Variants in GDA observed in about 807,000 individuals in gnomAD.
GDA encodes the protein guanine deaminase, also known as cytoplasmic PSD-95 interactor.
Under a neutral mutation model 59.6 loss-of-function variants are expected in GDA, and 18 were observed. That is an observed-to-expected ratio of 0.30 (90% confidence interval 0.21 to 0.45). The LOEUF is 0.45. GDA is among the 20% of genes least tolerant of loss of function. The pLI, the probability that GDA is intolerant of heterozygous loss-of-function variation, is 1.00. For synonymous variants in GDA, 201 were observed against 201.1 expected (o/e 1.00, Z 0.00); for missense variants, 427 against 552.3 (o/e 0.77, Z 2.27).
intron 1 of GDA, among the ~76,000 whole-genome samples, chr9:72,167,286 C>T (rs376928873): frequency 3.9e-5 from 6 of 152,164 alleles, no homozygotes; most frequent in African/African-American, 1.4e-4. Flanking sequence ...ACCTTTCTTC[C>T]CTGCTATATA....
At chr9:72,185,209 G>C (rs1831718757) in intron 1 of GDA, among the ~76,000 whole-genome samples, 1 of 152,094 alleles carries the variant, frequency 6.6e-6, no homozygotes, top group Admixed American at 6.6e-5. Context: ...CACCCTTTAG[G>C]GAAACTGTGC....
rs56365627 is a variant in GDA, at chr9:72,144,078, C to T, written c.-100+29245C>T. Among the ~76,000 whole-genome samples the T allele has an allele frequency of 8.1e-3, 1,229 of 152,132 alleles. 21 individuals carry two copies. Among genetic ancestry groups the T allele is most frequent in the African/African-American group, 0.028 (1,146 of 41,482 alleles). On this transcript the variant is annotated intron_variant, in intron 1 of 13. Transcript: ENST00000545168. ...CTCTACTAAAAACACAAACATTACC[C>T]GGGTATGGTAGCAGGTGCCTGCAGT...
At chr9:72,202,881 C>CGGCGACCACCG in intron 3 of GDA, 139 bp downstream of exon 3, 1 of 532,470 alleles carries the variant, frequency 1.9e-6, no homozygotes, top group Non-Finnish European at 3.2e-6. Flanking sequence ...TTCTTTTTCA[C>CGGCGACCACCG]AGTCCAGTGA....
At position 72,202,700 on chromosome 9, in the gene GDA, C is replaced by T; in HGVS notation, c.342C>T (p.Phe114=). The T allele has an allele frequency of 6.2e-7, 1 of 1,613,766 alleles. No individual in the cohort carries two copies. The highest frequency in any genetic ancestry group is 8.5e-7 in the Non-Finnish European group (1 of 1,179,830). ...TKYTFPAEHR[F]QNIDFAEEVY... ...ACACATTTCCTGCAGAACACAGATTCCAGAACATCGACTTTGCAGAAGAAG... is the reference window on the plus strand; with the variant it reads ...ACACATTTCCTGCAGAACACAGATTTCAGAACATCGACTTTGCAGAAGAAG... Residue 114 remains phenylalanine (F), a synonymous_variant, in exon 3 of 14, where the codon TTC becomes TTT. Transcript: ENST00000358399.
chr9:72,213,306 C>A (rs1237603720), intron 4 of GDA, among the ~76,000 whole-genome samples: 1 of 151,916 alleles, frequency 6.6e-6, no homozygotes, highest in Non-Finnish European at 1.5e-5. Flanking sequence ...ACCAAAAAAC[C>A]CACCTGACAG....
At chr9:72,196,163 T>A (rs2131276033) in intron 2 of GDA, among the ~76,000 whole-genome samples, 1 of 151,812 alleles carries the variant, frequency 6.6e-6, no homozygotes, top group South Asian at 2.1e-4. Flanking sequence ...ATATATTTAA[T>A]ATATGTTATA....
intron 1 of GDA, among the ~76,000 whole-genome samples, chr9:72,157,499 A>C (rs1261483080): frequency 6.6e-6 from 1 of 152,142 alleles, no homozygotes; most frequent in Non-Finnish European, 1.5e-5. Flanking sequence ...TCTTCTCCTT[A>C]CTGGCCTTTC....
chr9:72,239,204 C>T (rs763365876), intron 10 of GDA, among the ~76,000 whole-genome samples: 1 of 152,204 alleles, frequency 6.6e-6, no homozygotes, highest in Non-Finnish European at 1.5e-5. Context: ...TGAAATTATG[C>T]AGCCCAGAGT....
chr9:72,141,225 A>G (rs1826429755), intron 1 of GDA, among the ~76,000 whole-genome samples: 1 of 152,176 alleles, frequency 6.6e-6, no homozygotes. Flanking sequence ...TGCTTCTCAG[A>G]GATGGTTTCT....
At chr9:72,227,553 CCAG>C (rs1837749868) in intron 8 of GDA, among the ~76,000 whole-genome samples, 1 of 151,906 alleles carries the variant, frequency 6.6e-6, no homozygotes, top group Non-Finnish European at 1.5e-5. Context: ...CACAACACTA[CCAG>C]TTGCTTCCCA....
At chr9:72,257,650 A>C (rs1197543471), downstream of GDA, 2 of 152,322 alleles carry the variant, frequency 1.3e-5, no homozygotes, top group African/African-American at 4.8e-5. Flanking sequence ...GATTACAGGT[A>C]GTGGCTCACG....
downstream of GDA, chr9:72,257,511 C>G (rs1282330921): frequency 6.6e-6 from 1 of 152,276 alleles, no homozygotes; most frequent in Non-Finnish European, 1.5e-5. Context: ...CCACTCTCTA[C>G]CCTCTCGCAA....
intron 2 of GDA, among the ~76,000 whole-genome samples, chr9:72,197,916 C>T (rs1833398357): frequency 6.6e-6 from 1 of 151,974 alleles, no homozygotes; most frequent in African/African-American, 2.4e-5. Flanking sequence ...ACTGGAGTAC[C>T]ATGGGCAGTG....
At chr9:72,135,511 G>A (rs183375053) in intron 1 of GDA, among the ~76,000 whole-genome samples, 125 of 152,192 alleles carry the variant, frequency 8.2e-4, no homozygotes, top group African/African-American at 2.9e-3. Flanking sequence ...CAAATCCCAG[G>A]CTCTTATTCG....
intron 1 of GDA, among the ~76,000 whole-genome samples, chr9:72,187,170 C>T (rs1237226923): frequency 6.6e-6 from 1 of 152,174 alleles, no homozygotes; most frequent in Non-Finnish European, 1.5e-5. Context: ...GAGATAAGCA[C>T]TGTCATTATT....
chr9:72,149,239 T>C (rs369123292), upstream of GDA: 732 of 346,004 alleles, frequency 2.1e-3, 6 homozygotes, highest in African/African-American at 0.015. Context: ...GCTGATCTTC[T>C]GAGCCTCAGC....
At chr9:72,172,516 G>T (rs913193385) in intron 1 of GDA, among the ~76,000 whole-genome samples, 1 of 152,154 alleles carries the variant, frequency 6.6e-6, no homozygotes, top group African/African-American at 2.4e-5. Context: ...GCACACTTTG[G>T]CTTTTCACAG....
intron 3 of GDA, among the ~76,000 whole-genome samples, chr9:72,209,585 A>AT (rs1356261150): frequency 6.6e-6 from 1 of 151,464 alleles, no homozygotes; most frequent in African/African-American, 2.4e-5. Context: ...TTCCTCTAAG[A>AT]TTTTTTCCAG....
At chr9:72,163,118 G>T (rs887360251) in intron 1 of GDA, among the ~76,000 whole-genome samples, 1 of 152,164 alleles carries the variant, frequency 6.6e-6, no homozygotes, top group Admixed American at 6.5e-5. Flanking sequence ...GAAACAGGGA[G>T]CTCTGTGAGA....
Sources: allele counts gnomAD v4.1 joint callset (sites outside exome capture counted in the v4.1 genomes callset), GRCh38; gene constraint gnomAD v4.1.1; transcripts MANE v1.5; gene names NCBI Gene and HGNC (gene_info 2026-07-23, HGNC 2026-07-21).